CCNY: variants seen among roughly 807,000 people sequenced by gnomAD.
CCNY encodes cyclin-Y.
CCNY carries 19 observed loss-of-function variants against 42.8 expected under a neutral mutation model. The observed-to-expected ratio is 0.44, with a 90% CI of 0.31 to 0.65. The LOEUF (loss-of-function observed/expected upper bound fraction) is 0.65, where lower values mean the gene tolerates loss of function less well. Among genes scored for constraint, CCNY ranks in the 30% least tolerant of loss-of-function variants. The probability of loss-of-function intolerance (pLI) is 0.07; values close to 1 mark genes in which losing one functional copy is unlikely to be tolerated. For synonymous variants in CCNY, 165 were observed against 162.7 expected (o/e 1.01, Z -0.11); for missense variants, 370 against 437.3 (o/e 0.85, Z 1.37).
intron 1 of CCNY, among the ~76,000 whole-genome samples, chr10:35,397,414 C>A (rs1038814993): frequency 1.3e-5 from 2 of 152,220 alleles, no homozygotes; most frequent in African/African-American, 2.4e-5. Flanking sequence ...GCTTCCTTCC[C>A]CCCTTATCTC....
chr10:35,249,439 T>C (rs1459109698), intron 2 of CCNY, among the ~76,000 whole-genome samples: 1 of 151,388 alleles, frequency 6.6e-6, no homozygotes, highest in Non-Finnish European at 1.5e-5. Flanking sequence ...GTTTATGTTG[T>C]TTAAGACCTT....
chr10:35,389,111 C>T (rs936781253), intron 1 of CCNY, among the ~76,000 whole-genome samples: 8 of 152,160 alleles, frequency 5.3e-5, no homozygotes, highest in African/African-American at 1.7e-4. Context: ...GGGATTAGGA[C>T]GAGGACATCT....
At chr10:35,418,595 C>T (rs553432673) in intron 1 of CCNY, among the ~76,000 whole-genome samples, 36 of 152,136 alleles carry the variant, frequency 2.4e-4, no homozygotes, top group African/African-American at 7.7e-4. Context: ...ATGGGGTAAG[C>T]GGTAACTGAG....
intron 3 of CCNY, among the ~76,000 whole-genome samples, chr10:35,322,458 C>CA (rs1339656418): frequency 4.0e-5 from 6 of 151,044 alleles, no homozygotes; most frequent in African/African-American, 1.5e-4. Context: ...AATACACACA[C>CA]ACAAAAAAAC....
At chr10:35,512,598 G>A (rs1184839770) in intron 3 of CCNY, among the ~76,000 whole-genome samples, 2 of 152,186 alleles carry the variant, frequency 1.3e-5, no homozygotes, top group Non-Finnish European at 2.9e-5. Flanking sequence ...GGGAGGGAGT[G>A]TGGAGGTTGA....
chr10:35,522,233 A>G (rs1383812543), intron 4 of CCNY, among the ~76,000 whole-genome samples: 1 of 152,132 alleles, frequency 6.6e-6, no homozygotes, highest in Admixed American at 6.5e-5. Context: ...CCTCTAAACA[A>G]AGAGTTTTGA....
At chr10:35,507,780 A>C (rs1444501785) in intron 3 of CCNY, among the ~76,000 whole-genome samples, 1 of 132,354 alleles carries the variant, frequency 7.6e-6, no homozygotes, top group African/African-American at 2.6e-5. Context: ...ACTGTTGAAG[A>C]ATACAGGGCC....
At chr10:35,249,544 T>C (rs978191651) in intron 2 of CCNY, among the ~76,000 whole-genome samples, 2 of 152,198 alleles carry the variant, frequency 1.3e-5, no homozygotes, top group African/African-American at 4.8e-5. Context: ...TTTTTAAACC[T>C]GAAAGCAAGA....
intron 4 of CCNY, 37 bp downstream of exon 4, chr10:35,516,660 CCT>C: frequency 1.3e-5 from 7 of 533,880 alleles, no homozygotes; most frequent in South Asian, 3.0e-5. Context: ...TTCCTTCCTT[CCT>C]TTTTTTTTTT....
rs142148569 is a variant in CCNY, at chr10:35,569,171, C to T, written c.*1C>T. On this transcript the variant is annotated 3_prime_UTR_variant, in exon 10 of 10. Coordinates refer to ENST00000374704, the MANE Select transcript of CCNY (RefSeq NM_145012.6). ...GTGGTCCCCAGCCATCATCTCTTAA[C>T]TACGGAGGCCCGCCGGAGGCCACAC... 2.6e-6 allele frequency: 4 copies of T among 1,566,984 alleles called. No individual in the cohort carries two copies. The highest frequency in any genetic ancestry group is 2.2e-5 in the South Asian group (2 of 90,176).
chr10:35,341,752 A>G (rs1247125504), intron 1 of CCNY, among the ~76,000 whole-genome samples: 1 of 152,186 alleles, frequency 6.6e-6, no homozygotes, highest in African/African-American at 2.4e-5. Flanking sequence ...GTTTAACCTG[A>G]GAGGTAGCAG....
At chr10:35,401,263 C>T (rs992528457) in intron 1 of CCNY, among the ~76,000 whole-genome samples, 5 of 152,184 alleles carry the variant, frequency 3.3e-5, no homozygotes, top group African/African-American at 9.7e-5. Context: ...CAGAGGACTG[C>T]GTAGAGGACC....
chr10:35,484,228 C>G (rs1032362162), intron 2 of CCNY, among the ~76,000 whole-genome samples: 1 of 152,204 alleles, frequency 6.6e-6, no homozygotes, highest in African/African-American at 2.4e-5. Context: ...CTACATGATT[C>G]TATCCCTAAC....
At chr10:35,301,899 C>T (rs1184513650) in intron 3 of CCNY, among the ~76,000 whole-genome samples, 3 of 152,102 alleles carry the variant, frequency 2.0e-5, no homozygotes, top group African/African-American at 7.2e-5. Context: ...TCCCAAAATG[C>T]TAGGATTACA....
intron 1 of CCNY, among the ~76,000 whole-genome samples, chr10:35,370,712 C>CTATTT (rs1836913919): frequency 6.6e-6 from 1 of 151,634 alleles, no homozygotes; most frequent in Non-Finnish European, 1.5e-5. Flanking sequence ...TTGGATAAAA[C>CTATTT]TATTTTATTT....
At chr10:35,440,101 G>A (rs1373623834) in intron 1 of CCNY, among the ~76,000 whole-genome samples, 1 of 152,132 alleles carries the variant, frequency 6.6e-6, no homozygotes, top group African/African-American at 2.4e-5. Flanking sequence ...GGTGTGGATG[G>A]GACTGGAGCC....
chr10:35,389,685 C>T (rs1837372398), intron 1 of CCNY, among the ~76,000 whole-genome samples: 1 of 152,114 alleles, frequency 6.6e-6, no homozygotes, highest in Admixed American at 6.5e-5. Context: ...GATCCGCCCA[C>T]CTTGGCCTCC....
chr10:35,518,544 C>T lies in CCNY; in HGVS notation c.365+1921C>T, dbSNP rs1194791190. ...TCTGGCTGAGGTAAATTGTGAGTAT[C>T]TGGATTTTTAACAGATCTTGATTGA... is the stretch of plus-strand genomic sequence containing the variant. On this transcript the variant is annotated intron_variant, in intron 4 of 9. Coordinates refer to ENST00000374704, the MANE Select transcript of CCNY (RefSeq NM_145012.6). 3.1e-5 allele frequency among the ~76,000 whole-genome samples: 4 copies of T among 127,296 alleles called. No individual in the cohort carries two copies. In the East Asian group the frequency reaches 9.6e-4, roughly 30 times the overall value. 83.5% of individuals were successfully genotyped at this position (127,296 alleles called of 152,430 possible). A position where few individuals can be genotyped will look rare whatever the true frequency, so the allele number is the denominator to read the frequency against.
At chr10:35,314,632 TCA>T (rs1175846907) in intron 3 of CCNY, 2 of 152,226 alleles carry the variant, frequency 1.3e-5, no homozygotes, top group Non-Finnish European at 2.9e-5. Context: ...TCCATTTTTC[TCA>T]TTTTTATTTT....
Sources: allele counts gnomAD v4.1 joint callset (sites outside exome capture counted in the v4.1 genomes callset), GRCh38; gene constraint gnomAD v4.1.1; transcripts MANE v1.5; gene names NCBI Gene and HGNC (gene_info 2026-07-23, HGNC 2026-07-21).